The following TMEM9 variants were observed in gnomAD, a reference collection of about 807,000 sequenced individuals.
TMEM9 encodes proton-transporting V-type ATPase complex assembly regulator TMEM9.
In TMEM9, 13 loss-of-function variants were observed where a neutral mutation model predicts 22.8. That is an observed-to-expected ratio of 0.57 (90% CI 0.37 to 0.91). The LOEUF (loss-of-function observed/expected upper bound fraction) is 0.91. Ranked by LOEUF, TMEM9 falls within the 40% of genes least tolerant of loss-of-function variation. The pLI, the probability that TMEM9 is intolerant of heterozygous loss-of-function variation, is 0.01. For synonymous variants in TMEM9, 88 were observed against 93.0 expected (o/e 0.95, Z 0.31); for missense variants, 182 against 238.1 (o/e 0.76, Z 1.55).
Position 201,135,465 on chromosome 1 carries a change from A to C in TMEM9, c.*198T>G. Reference sequence around the variant, plus strand: ...CCAAAGACCCAAGAAGACAACAGAGATCAGAGACCACATCCCTCTTCCCTA... The same window carrying C: ...CCAAAGACCCAAGAAGACAACAGAGCTCAGAGACCACATCCCTCTTCCCTA... On this transcript the variant is annotated 3_prime_UTR_variant, in exon 5 of 5. Coordinates refer to ENST00000367330, the MANE Select transcript of TMEM9 (RefSeq NM_001288565.2). 1.9e-6 allele frequency: 1 copy of C among 513,810 alleles called. No homozygotes were observed. The allele number at this position is 513,810 out of a possible 1,614,324, so 31.8% of individuals were successfully genotyped here. A position where few individuals can be genotyped will look rare whatever the true frequency, so the allele number is the denominator to read the frequency against.
At position 201,143,372 on chromosome 1, in the gene TMEM9, T is replaced by C. The variant is rs140213489; in HGVS notation, c.399+448A>G. On this transcript the variant is annotated intron_variant, in intron 4 of 4. Coordinates refer to ENST00000367330, the MANE Select transcript of TMEM9 (RefSeq NM_001288565.2). ...CTCTTCCGCTCTTGAAATCCTACATTTCTCCCCAGACCCTGGAGCTCTGGT... is the reference window on the plus strand; with the variant it reads ...CTCTTCCGCTCTTGAAATCCTACATCTCTCCCCAGACCCTGGAGCTCTGGT... Among the ~76,000 whole-genome samples the C allele has an allele frequency of 7.4e-4, 112 of 152,324 alleles. 1 individual carries two copies. The highest frequency in any genetic ancestry group is 2.6e-3 in the African/African-American group (109 of 41,576).
chr1:201,154,005 C>G lies in TMEM9; in HGVS notation c.-82G>C. 1 of 1,504,658 alleles carries G rather than the reference C, an allele frequency of 6.6e-7. No homozygotes were observed. The allele number at this position is 1,504,658 out of a possible 1,614,324, so 93.2% of individuals were successfully genotyped here. ...TCGGAGAAGGGGAAGGTGGCCACAC[C>G]GCAGCCAGCACGCTAGGCCCTTAAC... is the stretch of plus-strand genomic sequence containing the variant. On this transcript the variant is annotated 5_prime_UTR_variant, in exon 1 of 5. Transcript: ENST00000367330.
intron 2 of TMEM9, among the ~76,000 whole-genome samples, chr1:201,147,961 A>G (rs1665118269): frequency 6.6e-6 from 1 of 152,270 alleles, no homozygotes; most frequent in East Asian, 1.9e-4. Flanking sequence ...AATGCACTGC[A>G]TTGTAATCCA....
At chr1:201,148,834 G>A (rs1201808580) in intron 2 of TMEM9, among the ~76,000 whole-genome samples, 1 of 152,234 alleles carries the variant, frequency 6.6e-6, no homozygotes, top group Non-Finnish European at 1.5e-5. Context: ...GCTCTGAGCA[G>A]GTCTCCCCTG....
At chr1:201,137,983 G>A (rs1387123858) in intron 4 of TMEM9, among the ~76,000 whole-genome samples, 1 of 152,172 alleles carries the variant, frequency 6.6e-6, no homozygotes, top group African/African-American at 2.4e-5. Context: ...CCGTCTACAT[G>A]AGGTGGGCAC....
intron 4 of TMEM9, among the ~76,000 whole-genome samples, chr1:201,141,400 C>G (rs969201005): frequency 6.6e-6 from 1 of 152,134 alleles, no homozygotes; most frequent in Non-Finnish European, 1.5e-5. Flanking sequence ...GGAGACCACA[C>G]AGAATCACAG....
At chr1:201,138,896 T>C (rs1367326779) in intron 4 of TMEM9, among the ~76,000 whole-genome samples, 3 of 152,220 alleles carry the variant, frequency 2.0e-5, no homozygotes, top group Non-Finnish European at 4.4e-5. Context: ...GGCTGGTTTC[T>C]CCTAAGAGGG....
chr1:201,153,054 A>C (rs7515231), intron 1 of TMEM9, among the ~76,000 whole-genome samples: 6,223 of 152,330 alleles, frequency 0.041, 411 homozygotes, highest in African/African-American at 0.14. Context: ...TACTGTGCAC[A>C]GTAACCTTTA....
chr1:201,145,226 G>A (rs1017987666), intron 3 of TMEM9: 9 of 152,298 alleles, frequency 5.9e-5, no homozygotes, highest in African/African-American at 1.7e-4. Context: ...AGTTGTATCT[G>A]ATGAGGTCCC....
chr1:201,146,650 A>G, intron 3 of TMEM9, 90 bp downstream of exon 3: 1 of 1,353,212 alleles, frequency 7.4e-7, no homozygotes, highest in Non-Finnish European at 1.1e-6. Flanking sequence ...GACATTCCAG[A>G]ATAAAGTGAA....
At chr1:201,146,236 A>G (rs1304464715) in intron 3 of TMEM9, among the ~76,000 whole-genome samples, 1 of 152,244 alleles carries the variant, frequency 6.6e-6, no homozygotes, top group Admixed American at 6.5e-5. Context: ...AAGGTGGTTC[A>G]GGAAAACACA....
At chr1:201,166,044 G>A (rs1328038037) in intron 1 of TMEM9, among the ~76,000 whole-genome samples, 1 of 152,118 alleles carries the variant, frequency 6.6e-6, no homozygotes, top group African/African-American at 2.4e-5. Context: ...TTAGCTCACT[G>A]CAACCTTGAC....
chr1:201,142,158 C>T (rs1664580143), intron 4 of TMEM9, among the ~76,000 whole-genome samples: 1 of 152,336 alleles, frequency 6.6e-6, no homozygotes, highest in African/African-American at 2.4e-5. Context: ...GAGGCTCATC[C>T]CCTCTGCTCC....
Position 201,135,357 on chromosome 1 carries a change from A to T in TMEM9, c.*306T>A, listed in dbSNP as rs1663889052. 2 of 241,552 alleles carry T rather than the reference A, an allele frequency of 8.3e-6. No individual in the cohort carries two copies. The allele number at this position is 241,552 out of a possible 1,614,324, so 15.0% of individuals were successfully genotyped here. On this transcript the variant is annotated 3_prime_UTR_variant, in exon 5 of 5. Coordinates refer to ENST00000367330, the MANE Select transcript of TMEM9 (RefSeq NM_001288565.2). ...GCTGGAAGGCGGCAAGAGTGGAGCC[A>T]GGAGAGACAGATCGCATCCACTCCT...
chr1:201,139,493 CA>C (rs1276214675), intron 4 of TMEM9, among the ~76,000 whole-genome samples: 2 of 152,098 alleles, frequency 1.3e-5, no homozygotes, highest in African/African-American at 2.4e-5. Flanking sequence ...TTTCCCTGCC[CA>C]AAAACCCCAG....
intron 4 of TMEM9, among the ~76,000 whole-genome samples, chr1:201,136,947 G>A (rs1483102827): frequency 6.6e-6 from 1 of 152,254 alleles, no homozygotes; most frequent in Non-Finnish European, 1.5e-5. Context: ...GGGCGAAGGG[G>A]GGTGGTGAGG....
In TMEM9 at chr1:201,135,828, GAA is replaced by G. The variant is rs1001777454; in HGVS notation, c.400-15_400-14del. 2.5e-6 allele frequency: 4 copies of G among 1,569,744 alleles called. No homozygotes were observed. Among genetic ancestry groups the G allele is most frequent in the Non-Finnish European group, 3.4e-6 (4 of 1,160,758 alleles). Reference sequence around the variant, plus strand: ...TAGAGCGAGCATCCTGTAGTGGGAAGAAAAAAAGAGAAGATCTGGCACGGTAA... The same window carrying G: ...TAGAGCGAGCATCCTGTAGTGGGAAGAAAAAGAGAAGATCTGGCACGGTAA... On this transcript the variant is annotated splice_polypyrimidine_tract_variant and intron_variant, in intron 4 of 4. Coordinates refer to ENST00000367330, the MANE Select transcript of TMEM9 (RefSeq NM_001288565.2).
At chr1:201,144,267 G>C (rs1052057534) in intron 3 of TMEM9, 17 of 275,474 alleles carry the variant, frequency 6.2e-5, no homozygotes, top group Non-Finnish European at 1.1e-4. Context: ...GGAACACAAG[G>C]GCCTCCCTGG....
At chr1:201,146,595 G>C (rs1336798701) in intron 3 of TMEM9, 145 bp downstream of exon 3, 3 of 830,492 alleles carry the variant, frequency 3.6e-6, no homozygotes, top group Non-Finnish European at 6.2e-6. Flanking sequence ...GTGGGTCCCA[G>C]TGTCTGCACT....
Sources: gnomAD v4.1 joint callset for allele counts (sites outside exome capture counted in the v4.1 genomes callset) on GRCh38, gnomAD v4.1.1 for gene constraint, MANE v1.5 for transcripts, NCBI Gene and HGNC (gene_info 2026-07-23, HGNC 2026-07-21) for gene names.